The following ZNF385D variants were observed in gnomAD, a reference collection of about 807,000 sequenced individuals.
The protein encoded by ZNF385D is zinc finger protein 659.
In ZNF385D, 15 loss-of-function variants were observed where a neutral mutation model predicts 35.8. That is an observed-to-expected ratio of 0.42 (90% CI 0.28 to 0.64). The LOEUF is 0.64. ZNF385D is among the 30% of genes least tolerant of loss of function. The probability of loss-of-function intolerance (pLI) is 0.23; values close to 1 mark genes in which losing one functional copy is unlikely to be tolerated. For synonymous variants in ZNF385D, 212 were observed against 186.8 expected (o/e 1.13, Z -1.10); for missense variants, 474 against 494.6 (o/e 0.96, Z 0.39).
chr3:22,108,727 A>AGCAG (rs1400008610), intron 3 of ZNF385D, among the ~76,000 whole-genome samples: 2 of 152,032 alleles, frequency 1.3e-5, no homozygotes, highest in African/African-American at 4.8e-5. Flanking sequence ...AAAAACATGT[A>AGCAG]GCAGGCTAGG....
chr3:21,966,122 G>A (rs866008617), intron 3 of ZNF385D, among the ~76,000 whole-genome samples: 1 of 152,122 alleles, frequency 6.6e-6, no homozygotes, highest in East Asian at 1.9e-4. Context: ...TAGATACAGA[G>A]ACATTTTTGT....
chr3:21,445,794 G>A (rs414593), intron 4 of ZNF385D, among the ~76,000 whole-genome samples: 98,189 of 152,026 alleles, frequency 0.65, 31,994 homozygotes, highest in African/African-American at 0.72. Context: ...CTGTCAGGTA[G>A]GTGCTAGACT....
chr3:21,930,277 CA>C (rs11453603), intron 3 of ZNF385D, among the ~76,000 whole-genome samples: 18,811 of 111,964 alleles, frequency 0.17, 1,376 homozygotes, highest in South Asian at 0.25. Context: ...TTATACTGTA[CA>C]AAAAAAAAAA....
chr3:22,031,639 T>C (rs1698009177), intron 3 of ZNF385D, among the ~76,000 whole-genome samples: 1 of 152,196 alleles, frequency 6.6e-6, no homozygotes, highest in Non-Finnish European at 1.5e-5. Flanking sequence ...GGCCTATGAT[T>C]GGAGGGGCTG....
chr3:21,647,554 GTA>G (rs1288770276), intron 2 of ZNF385D, among the ~76,000 whole-genome samples: 4 of 152,038 alleles, frequency 2.6e-5, no homozygotes, highest in African/African-American at 9.7e-5. Context: ...AGAATCTCCA[GTA>G]ATATAGCTAA....
chr3:21,493,030 G>T lies in ZNF385D; in HGVS notation c.439+17831C>A, dbSNP rs575280598. On this transcript the variant is annotated intron_variant, in intron 4 of 7. Transcript: ENST00000281523. ...AATACAAAGGCATATAATCTGGTTA[G>T]AATCTTGGACTACACTAAAGAAAGA... Among the ~76,000 whole-genome samples, 170 of 152,124 alleles carry T rather than the reference G, an allele frequency of 1.1e-3. 1 individual carries two copies. The highest frequency in any genetic ancestry group is 4.0e-3 in the African/African-American group (167 of 41,532).
intron 4 of ZNF385D, among the ~76,000 whole-genome samples, chr3:21,470,013 AGT>A (rs1703784481): frequency 1.3e-5 from 2 of 152,230 alleles, no homozygotes; most frequent in Admixed American, 6.5e-5. Flanking sequence ...ATAAAATGGA[AGT>A]CGTAGCAACT....
intron 2 of ZNF385D, among the ~76,000 whole-genome samples, chr3:22,218,910 TTTTGTAGATCATTGCATG>T (rs1698067274): frequency 1.3e-5 from 2 of 152,170 alleles, no homozygotes; most frequent in African/African-American, 2.4e-5. Context: ...AAAAAATACA[TTTTGTAGATCATTGCATG>T]TTAGACTGTA....
At chr3:22,266,119 G>T (rs896510042) in intron 2 of ZNF385D, among the ~76,000 whole-genome samples, 1 of 151,750 alleles carries the variant, frequency 6.6e-6, no homozygotes, top group Non-Finnish European at 1.5e-5. Flanking sequence ...ACTCTCAACT[G>T]GATTCTTATT....
At chr3:21,772,724 T>A (rs2071128562) in intron 3 of ZNF385D, among the ~76,000 whole-genome samples, 1 of 151,826 alleles carries the variant, frequency 6.6e-6, no homozygotes, top group Admixed American at 6.6e-5. Flanking sequence ...CTAAAAGAAA[T>A]GAAATAGAGT....
intron 3 of ZNF385D, among the ~76,000 whole-genome samples, chr3:22,111,561 T>G (rs1171670599): frequency 6.6e-6 from 1 of 152,060 alleles, no homozygotes; most frequent in Non-Finnish European, 1.5e-5. Flanking sequence ...GTTCAGTGCT[T>G]TTCCTAATTT....
chr3:22,355,405 TTGTTA>T (rs962141173), intron 2 of ZNF385D, among the ~76,000 whole-genome samples: 2 of 152,066 alleles, frequency 1.3e-5, no homozygotes, highest in African/African-American at 4.8e-5. Context: ...ACATAGTTAC[TTGTTA>T]TGTATTTCAG....
At chr3:21,507,181 T>C (rs571166742) in intron 4 of ZNF385D, among the ~76,000 whole-genome samples, 1 of 152,168 alleles carries the variant, frequency 6.6e-6, no homozygotes, top group Non-Finnish European at 1.5e-5. Context: ...TCTGTGAGTA[T>C]TCTTTCTATT....
chr3:21,444,731 C>T lies in ZNF385D; in HGVS notation c.440-7528G>A, dbSNP rs144575537. Among the ~76,000 whole-genome samples the T allele has an allele frequency of 2.9e-4, 44 of 152,180 alleles. 1 individual carries two copies. Among genetic ancestry groups the T allele is most frequent in the African/African-American group, 5.8e-4 (24 of 41,548 alleles). ...AAAGATCAATTAGCTTCATAGGGAC[C>T]GGCCATTTTCTACAAAGATCATGTG... On this transcript the variant is annotated intron_variant, in intron 4 of 7. Coordinates refer to ENST00000281523, the MANE Select transcript of ZNF385D (RefSeq NM_024697.3).
At chr3:22,162,877 T>C (rs938781155) in intron 3 of ZNF385D, among the ~76,000 whole-genome samples, 5 of 152,210 alleles carry the variant, frequency 3.3e-5, no homozygotes, top group Admixed American at 3.3e-4. Flanking sequence ...ATTGGTAGTG[T>C]CTTATTTGGA....
At chr3:21,700,457 T>C (rs527701048) in intron 1 of ZNF385D, among the ~76,000 whole-genome samples, 42 of 152,320 alleles carry the variant, frequency 2.8e-4, no homozygotes, top group African/African-American at 9.6e-4. Flanking sequence ...ATTTATACCA[T>C]ATGATTAATT....
At chr3:21,784,150 G>GT (rs1392653768) in intron 3 of ZNF385D, among the ~76,000 whole-genome samples, 1 of 152,114 alleles carries the variant, frequency 6.6e-6, no homozygotes, top group African/African-American at 2.4e-5. Context: ...TGGAAGAGAA[G>GT]TCTGCCAAGA....
intron 4 of ZNF385D, among the ~76,000 whole-genome samples, chr3:21,452,775 A>G (rs1375487367): frequency 2.0e-5 from 3 of 152,118 alleles, no homozygotes; most frequent in Non-Finnish European, 4.4e-5. Context: ...TAAGATGGCA[A>G]TACTATCTAA....
chr3:21,747,019 G>T (rs1409881187), intron 1 of ZNF385D, among the ~76,000 whole-genome samples: 4 of 147,176 alleles, frequency 2.7e-5, no homozygotes, highest in South Asian at 4.4e-4. Context: ...TTCTGTCCTA[G>T]AATTTTCCTA....
Sources: allele counts gnomAD v4.1 joint callset (sites outside exome capture counted in the v4.1 genomes callset), GRCh38; gene constraint gnomAD v4.1.1; transcripts MANE v1.5; gene names NCBI Gene and HGNC (gene_info 2026-07-23, HGNC 2026-07-21).